Variants in HMBOX1 observed in about 807,000 individuals in gnomAD.
The protein encoded by HMBOX1 is homeobox containing 1.
In HMBOX1, 14 loss-of-function variants were observed where a neutral mutation model predicts 54.5. That is an observed-to-expected ratio of 0.26 (90% CI 0.17 to 0.40). HMBOX1 has a LOEUF of 0.40. Among genes scored for constraint, HMBOX1 ranks in the 10% least tolerant of loss-of-function variants. The pLI is 1.00. For synonymous variants in HMBOX1, 160 were observed against 181.0 expected, an observed-to-expected ratio of 0.88 and a Z score of 0.93; for missense variants, 332 against 514.4, an observed-to-expected ratio of 0.65 and a Z score of 3.43.
chr8:28,912,890 C>T (rs1424816686), intron 1 of HMBOX1, among the ~76,000 whole-genome samples: 3 of 152,078 alleles, frequency 2.0e-5, no homozygotes, highest in Non-Finnish European at 4.4e-5. Flanking sequence ...CCTTTTTATG[C>T]TTTAAAAAAC....
intron 4 of HMBOX1, among the ~76,000 whole-genome samples, chr8:28,992,028 G>A (rs1439450792): frequency 6.6e-6 from 1 of 152,210 alleles, no homozygotes; most frequent in African/African-American, 2.4e-5. Flanking sequence ...TTTGCCAATA[G>A]TCATGCAGTT....
At chr8:29,024,390 A>C (rs1309305974) in intron 6 of HMBOX1, among the ~76,000 whole-genome samples, 1 of 152,128 alleles carries the variant, frequency 6.6e-6, no homozygotes, top group Non-Finnish European at 1.5e-5. Context: ...TTAAACAAGC[A>C]CCGTGGTTAA....
intron 1 of HMBOX1, among the ~76,000 whole-genome samples, chr8:28,945,944 C>CTTT (rs58698981): frequency 2.3e-5 from 3 of 129,252 alleles, no homozygotes. Context: ...AGGGCATATT[C>CTTT]TTTTTTTTTT....
chr8:29,036,280 A>T (rs948593230), intron 6 of HMBOX1, among the ~76,000 whole-genome samples: 1 of 152,208 alleles, frequency 6.6e-6, no homozygotes, highest in Non-Finnish European at 1.5e-5. Context: ...TCTTATTCTC[A>T]TGTATGGATT....
intron 1 of HMBOX1, among the ~76,000 whole-genome samples, chr8:28,930,265 C>T (rs956135812): frequency 1.3e-5 from 2 of 152,060 alleles, no homozygotes; most frequent in South Asian, 4.1e-4. Flanking sequence ...ACCTGGTAGC[C>T]TTTTTATCTC....
In HMBOX1 at chr8:29,036,023, C is replaced by T. The variant is rs116334378; in HGVS notation, c.852-9338C>T. On this transcript the variant is annotated intron_variant, in intron 6 of 9. Transcript: ENST00000287701. ...ATGGTAAGCACTTCATTTAGGGCTGCATGTTTTAGGACAAGTGATAGCCTG... is the reference window on the plus strand; with the variant it reads ...ATGGTAAGCACTTCATTTAGGGCTGTATGTTTTAGGACAAGTGATAGCCTG... 5.7e-3 allele frequency among the ~76,000 whole-genome samples: 869 copies of T among 152,264 alleles called. 4 individuals are homozygous for T. The highest frequency in any genetic ancestry group is 0.02 in the African/African-American group (844 of 41,542).
chr8:29,001,867 T>C (rs771193220), intron 4 of HMBOX1, among the ~76,000 whole-genome samples: 1 of 152,218 alleles, frequency 6.6e-6, no homozygotes, highest in Non-Finnish European at 1.5e-5. Context: ...AGTGTACAGC[T>C]GTGGCAACTA....
At chr8:29,009,427 TATG>T (rs1382704737) in intron 5 of HMBOX1, 20 of 980,236 alleles carry the variant, frequency 2.0e-5, no homozygotes, top group East Asian at 1.1e-4. Flanking sequence ...TTTCAGGTTA[TATG>T]ATATTTCTAG....
intron 1 of HMBOX1, among the ~76,000 whole-genome samples, chr8:28,953,443 C>T (rs1250376985): frequency 6.6e-6 from 1 of 152,158 alleles, no homozygotes; most frequent in Non-Finnish European, 1.5e-5. Context: ...AACATAGTTT[C>T]CTGCCTGTTT....
intron 1 of HMBOX1, among the ~76,000 whole-genome samples, chr8:28,947,909 G>A (rs1178985914): frequency 1.3e-5 from 2 of 151,968 alleles, no homozygotes; most frequent in African/African-American, 4.8e-5. Context: ...TACATGGCTT[G>A]CTGCCTAATT....
chr8:29,015,608 T>C (rs150972202), intron 5 of HMBOX1, among the ~76,000 whole-genome samples: 1 of 152,370 alleles, frequency 6.6e-6, no homozygotes, highest in African/African-American at 2.4e-5. Flanking sequence ...TGCTTATGTC[T>C]AAACTTAGTT....
chr8:28,906,538 A>T (rs2131617772), intron 1 of HMBOX1, among the ~76,000 whole-genome samples: 1 of 152,296 alleles, frequency 6.6e-6, no homozygotes, highest in African/African-American at 2.4e-5. Flanking sequence ...TTCAAACATG[A>T]CGTATGTAGA....
intron 6 of HMBOX1, 38 bp downstream of exon 6, chr8:29,018,951 T>G: frequency 6.2e-7 from 1 of 1,603,660 alleles, no homozygotes; most frequent in Non-Finnish European, 8.5e-7. Flanking sequence ...TCTCCCAAAC[T>G]TAGGGAAGAC....
At position 28,952,921 on chromosome 8, in the gene HMBOX1, CAA is replaced by C. The variant is rs370195808; in HGVS notation, c.-57-10888_-57-10887del. 7.5e-4 allele frequency among the ~76,000 whole-genome samples: 114 copies of C among 152,308 alleles called. 1 individual carries two copies. The highest frequency in any genetic ancestry group is 2.6e-3 in the African/African-American group (107 of 41,574). On this transcript the variant is annotated intron_variant, in intron 1 of 9. Coordinates refer to ENST00000287701, the MANE Select transcript of HMBOX1 (RefSeq NM_001135726.3). ...AAACATTTGCCCAGAGAAATGATAA[CAA>C]AGAGTATTTGAATCTTACATTTTGG...
chr8:28,926,304 T>TATATATATACACACACACAC (rs796953426), intron 1 of HMBOX1, among the ~76,000 whole-genome samples: 4 of 142,138 alleles, frequency 2.8e-5, no homozygotes, highest in African/African-American at 1.1e-4. Context: ...TATATATATA[T>TATATATATACACACACACAC]ACACACACAC....
intron 1 of HMBOX1, chr8:28,924,693 A>T: frequency 6.6e-6 from 1 of 151,580 alleles, no homozygotes. Flanking sequence ...GCTCACCACA[A>T]CCTCCGCCTC....
chr8:28,954,773 A>G (rs1010851614), intron 1 of HMBOX1, among the ~76,000 whole-genome samples: 3 of 152,204 alleles, frequency 2.0e-5, no homozygotes, highest in African/African-American at 7.2e-5. Context: ...ATGAAGAAGG[A>G]TGGATGACAA....
rs999476380 is a variant in HMBOX1, at chr8:29,052,761, G to A, written c.*1606G>A. 11 of 152,158 alleles carry A rather than the reference G, an allele frequency of 7.2e-5. No homozygotes were observed. The highest frequency in any genetic ancestry group is 7.2e-5 in the African/African-American group (3 of 41,418). The allele number at this position is 152,158 out of a possible 1,614,324, so 9.4% of individuals were successfully genotyped here. A position where few individuals can be genotyped will look rare whatever the true frequency, so the allele number is the denominator to read the frequency against. On this transcript the variant is annotated 3_prime_UTR_variant, in exon 10 of 10. Coordinates refer to ENST00000287701, the MANE Select transcript of HMBOX1 (RefSeq NM_001135726.3). ...CCTTCAATGTAGCAGCACAGGGTGC[G>A]CCTGAAAGAGGCACAACTGCTGTGG...
chr8:28,933,057 G>T (rs1335491631), intron 1 of HMBOX1, among the ~76,000 whole-genome samples: 4 of 152,170 alleles, frequency 2.6e-5, no homozygotes, highest in Non-Finnish European at 4.4e-5. Context: ...GCGGGTCCAA[G>T]TCCAGTCAGA....
Sources: gnomAD v4.1 joint callset for allele counts (sites outside exome capture counted in the v4.1 genomes callset) on GRCh38, gnomAD v4.1.1 for gene constraint, MANE v1.5 for transcripts, NCBI Gene and HGNC (gene_info 2026-07-23, HGNC 2026-07-21) for gene names.